ERLEC1: variants seen among roughly 807,000 people sequenced by gnomAD.
The protein encoded by ERLEC1 is ER lectin.
ERLEC1 carries 47 observed loss-of-function variants against 68.0 expected under a neutral mutation model. The ratio of observed to expected loss-of-function variants is 0.69; its 90% confidence interval spans 0.55 to 0.88. The LOEUF (loss-of-function observed/expected upper bound fraction) is 0.88, where lower values mean the gene tolerates loss of function less well. Among genes scored for constraint, ERLEC1 ranks in the 40% least tolerant of loss-of-function variants. ERLEC1 has a pLI of 0.00. For synonymous variants in ERLEC1, 225 were observed against 203.2 expected, an observed-to-expected ratio of 1.11 and a Z score of -0.91; for missense variants, 567 against 583.8, an observed-to-expected ratio of 0.97 and a Z score of 0.30.
intron 13 of ERLEC1, among the ~76,000 whole-genome samples, chr2:53,817,497 T>A (rs963783868): frequency 4.6e-5 from 7 of 152,218 alleles, no homozygotes; most frequent in Admixed American, 2.6e-4. Context: ...TTCTTCATCA[T>A]GTTTAGTATA....
At chr2:53,803,593 C>T (rs1335587928) in intron 8 of ERLEC1, among the ~76,000 whole-genome samples, 4 of 119,684 alleles carry the variant, frequency 3.3e-5, no homozygotes, top group African/African-American at 1.3e-4. Flanking sequence ...AACCCTGTCT[C>T]TACAAAAAAA....
At chr2:53,790,095 G>A (rs1304041544) in intron 1 of ERLEC1, among the ~76,000 whole-genome samples, 1 of 151,626 alleles carries the variant, frequency 6.6e-6, no homozygotes, top group Non-Finnish European at 1.5e-5. Flanking sequence ...GGGCCAGTTG[G>A]TTGGACATTT....
intron 8 of ERLEC1, among the ~76,000 whole-genome samples, chr2:53,804,023 C>T (rs1219623372): frequency 6.6e-6 from 1 of 152,084 alleles, no homozygotes. Flanking sequence ...CCCAGCTACT[C>T]GGGAGGATGA....
Position 53,797,543 on chromosome 2 carries a change from G to C in ERLEC1, c.377G>C (p.Cys126Ser). The change falls in exon 4 of 14, where the codon TGT becomes TCT. Residue 126 changes from cysteine (C) to serine (S), a missense_variant. Coordinates refer to ENST00000185150, the MANE Select transcript of ERLEC1 (RefSeq NM_015701.5). ...GAGTCTTATTGGACTTACGAAGTAT[G>C]TCATGGAAAACACATTCGGCAGTAC... ...RIESYWTYEV[C>S]HGKHIRQYHE... 6.2e-7 allele frequency: 1 copy of C among 1,612,790 alleles called. No individual in the cohort carries two copies.
At chr2:53,816,992 A>C (rs1183293596) in intron 13 of ERLEC1, among the ~76,000 whole-genome samples, 1 of 151,572 alleles carries the variant, frequency 6.6e-6, no homozygotes, top group East Asian at 1.9e-4. Flanking sequence ...CTTTGTTTCG[A>C]TTTGGGTCAT....
chr2:53,801,728 T>G lies in ERLEC1; in HGVS notation c.765T>G (p.Pro255=). The change falls in exon 8 of 14, where the codon CCT becomes CCG. Residue 255 remains proline (P), a synonymous_variant. Transcript: ENST00000185150. ...TACTGAACAGGTTCAGAGCATCTCC[T>G]GTGAATGACATATTTTGTCAATCAC... The part of the protein sequence containing the change: ...SHPKYRFRAS[P]VNDIFCQSLP... 6.2e-7 allele frequency: 1 copy of G among 1,614,104 alleles called. No homozygotes were observed. Among genetic ancestry groups the G allele is most frequent in the Non-Finnish European group, 8.5e-7 (1 of 1,179,954 alleles).
chr2:53,789,112 T>C (rs1454982396), intron 1 of ERLEC1, among the ~76,000 whole-genome samples: 1 of 151,912 alleles, frequency 6.6e-6, no homozygotes, highest in South Asian at 2.1e-4. Flanking sequence ...AAAAAATGCT[T>C]TGGCCATGTG....
At chr2:53,817,259 C>A (rs1171072711) in intron 13 of ERLEC1, among the ~76,000 whole-genome samples, 1 of 151,846 alleles carries the variant, frequency 6.6e-6, no homozygotes, top group Non-Finnish European at 1.5e-5. Context: ...TCAGCCTCCC[C>A]AGTAGCTGGG....
rs184816010 is a variant in ERLEC1 at position 53,791,783 on chromosome 2, G to A, written c.163-2562G>A. Among the ~76,000 whole-genome samples, 18 of 151,882 alleles carry A rather than the reference G, an allele frequency of 1.2e-4. 1 individual carries two copies. The East Asian group carries it at 3.5e-3, about 29-fold the overall frequency. ...TTTTGAAAGGAATTACAAATGTTAT[G>A]TCTCATAGCAAATCGTTGGCACAAT... On this transcript the variant is annotated intron_variant, in intron 1 of 13. Coordinates refer to ENST00000185150, the MANE Select transcript of ERLEC1 (RefSeq NM_015701.5).
At chr2:53,816,564 C>A (rs1676897630) in intron 13 of ERLEC1, among the ~76,000 whole-genome samples, 1 of 152,020 alleles carries the variant, frequency 6.6e-6, no homozygotes. Flanking sequence ...CCACCCGCAC[C>A]CAGCCCCATT....
Position 53,808,399 on chromosome 2 carries a change from C to A in ERLEC1, c.980C>A (p.Ser327Tyr). 4 of 1,614,180 alleles carry A rather than the reference C, an allele frequency of 2.5e-6. No homozygotes were observed. The highest frequency in any genetic ancestry group is 3.4e-6 in the Non-Finnish European group (4 of 1,180,034). ...PVLTVGTTHI[S>Y]KLTDDQLIKE... ...CTCACTGTTGGGACAACCCACATATCCAAATTGACAGATGACCAACTCATA... is the reference window on the plus strand; with the variant it reads ...CTCACTGTTGGGACAACCCACATATACAAATTGACAGATGACCAACTCATA... Residue 327 changes from serine (S) to tyrosine (Y), a missense_variant, in exon 9 of 14, where the codon TCC (serine) becomes TAC (tyrosine). By Grantham distance (144) the Ser-to-Tyr change is moderately radical. Coordinates refer to ENST00000185150, the MANE Select transcript of ERLEC1 (RefSeq NM_015701.5).
intron 6 of ERLEC1, 34 bp downstream of exon 6, chr2:53,799,115 C>G: frequency 6.3e-7 from 1 of 1,589,908 alleles, no homozygotes; most frequent in Non-Finnish European, 8.6e-7. Flanking sequence ...TTCCTCTTAA[C>G]ACTTATTGTT....
In ERLEC1 at chr2:53,801,806, A is replaced by G. The variant is rs1000511447; in HGVS notation, c.843A>G (p.Glu281=). ...PLTLRQLEQQ[E]EILRVPFRRN... Reference sequence around the variant, plus strand: ...CCCTGAGGCAGCTGGAGCAGCAGGAAGAAATACTAAGGGTGCCTTTTAGGA... The same window carrying G: ...CCCTGAGGCAGCTGGAGCAGCAGGAGGAAATACTAAGGGTGCCTTTTAGGA... Residue 281 remains glutamate (E), a synonymous_variant, in exon 8 of 14, where the codon GAA becomes GAG. Coordinates refer to ENST00000185150, the MANE Select transcript of ERLEC1 (RefSeq NM_015701.5). 3.1e-6 allele frequency: 5 copies of G among 1,613,794 alleles called. No individual in the cohort carries two copies. In the African/African-American group the frequency reaches 6.7e-5, roughly 22 times the overall value.
intron 2 of ERLEC1, among the ~76,000 whole-genome samples, chr2:53,794,706 G>A (rs987813526): frequency 1.3e-4 from 19 of 151,930 alleles, no homozygotes; most frequent in African/African-American, 4.6e-4. Flanking sequence ...CCAGGCTGGA[G>A]GGCAGTGGCA....
In ERLEC1 at chr2:53,787,122, G is replaced by GCCGCCT; in HGVS notation, c.-86_-81dup. 7.4e-7 allele frequency: 1 copy of GCCGCCT among 1,359,800 alleles called. No individual in the cohort carries two copies. Among genetic ancestry groups the GCCGCCT allele is most frequent in the East Asian group, 2.7e-5 (1 of 36,714 alleles). The allele number at this position is 1,359,800 out of a possible 1,614,324, so 84.2% of individuals were successfully genotyped here. ...TGATACCCGGGCGCTTTATAGTCCC[G>GCCGCCT]CCGCCTCCTCCTCCACCTCCTCCTC... On this transcript the variant is annotated 5_prime_UTR_variant, in exon 1 of 14. Transcript: ENST00000185150.
chr2:53,787,411 T>C (rs750516805), intron 1 of ERLEC1, 39 bp downstream of exon 1: 1 of 1,583,434 alleles, frequency 6.3e-7, no homozygotes, highest in South Asian at 1.1e-5. Flanking sequence ...CCCCTCCTCC[T>C]GACACTAAGG....
intron 13 of ERLEC1, 150 bp downstream of exon 13, chr2:53,815,085 A>T (rs942109387): frequency 4.9e-5 from 26 of 526,706 alleles, no homozygotes. Flanking sequence ...GGCTCACTGC[A>T]ACCTCTGCCT....
chr2:53,817,714 A>T (rs1676976824), intron 13 of ERLEC1, among the ~76,000 whole-genome samples, 184 bp from the exon 14 acceptor site: 2 of 152,128 alleles, frequency 1.3e-5, no homozygotes, highest in Non-Finnish European at 1.5e-5. Context: ...CCTATCTCAT[A>T]TTCTGTATGG....
In ERLEC1 at chr2:53,814,889, T is replaced by C. The variant is rs1320552393; in HGVS notation, c.1334T>C (p.Val445Ala). ...KCKESDSPHA[V>A]TVYMLEPHSC... Reference sequence around the variant, plus strand: ...AAAGAATCAGATTCACCTCATGCTGTTACTGTATATATGCTAGAGCCTCAC... The same window carrying C: ...AAAGAATCAGATTCACCTCATGCTGCTACTGTATATATGCTAGAGCCTCAC... Residue 445 changes from valine to alanine, a missense_variant, in exon 13 of 14, where the codon GTT (valine) becomes GCT (alanine). Physicochemically the swap from Val to Ala is moderately conservative, Grantham distance 64 (BLOSUM62 0). Transcript: ENST00000185150. 1 of 1,609,624 alleles carries C rather than the reference T, an allele frequency of 6.2e-7. No individual in the cohort carries two copies. The highest frequency in any genetic ancestry group is 1.1e-5 in the South Asian group (1 of 90,484).
Sources: gnomAD v4.1 joint callset for allele counts (sites outside exome capture counted in the v4.1 genomes callset) on GRCh38, gnomAD v4.1.1 for gene constraint, MANE v1.5 for transcripts, NCBI Gene and HGNC (gene_info 2026-07-23, HGNC 2026-07-21) for gene names.